Variants in SLC25A26 observed in about 807,000 individuals in gnomAD.
SLC25A26 encodes the protein solute carrier family 25 member 26.
A neutral mutation model predicts 37.8 loss-of-function variants in SLC25A26; 36 were observed. That is an observed-to-expected ratio of 0.95 (90% CI 0.73 to 1.26). The LOEUF (loss-of-function observed/expected upper bound fraction) is 1.26, where lower values mean the gene tolerates loss of function less well. Among genes scored for constraint, SLC25A26 ranks in the 50% most tolerant of loss-of-function variants. SLC25A26 has a pLI of 0.00. For missense variants in SLC25A26, 390 were observed against 331.1 expected, an observed-to-expected ratio of 1.18 and a Z score of -1.38; for synonymous variants, 129 against 122.5, an observed-to-expected ratio of 1.05 and a Z score of -0.35.
intron 1 of SLC25A26, among the ~76,000 whole-genome samples, chr3:66,197,637 GTGTC>G (rs1464514599): frequency 1.3e-5 from 2 of 152,044 alleles, no homozygotes; most frequent in East Asian, 1.9e-4. Context: ...GTGAACTTGA[GTGTC>G]TGGTTTAGAG....
intron 5 of SLC25A26, among the ~76,000 whole-genome samples, chr3:66,285,720 A>G (rs1173673202): frequency 6.6e-6 from 1 of 151,876 alleles, no homozygotes; most frequent in East Asian, 2.0e-4. Context: ...TTGGCCTCCC[A>G]AAGTGCTGGG....
chr3:66,329,524 CT>C (rs1466435210), intron 5 of SLC25A26, among the ~76,000 whole-genome samples: 1 of 151,952 alleles, frequency 6.6e-6, no homozygotes, highest in Non-Finnish European at 1.5e-5. Flanking sequence ...TTCCTTACCC[CT>C]AAGAATGAAT....
intron 5 of SLC25A26, among the ~76,000 whole-genome samples, chr3:66,308,182 A>G (rs1276968700): frequency 6.6e-6 from 1 of 152,100 alleles, no homozygotes; most frequent in African/African-American, 2.4e-5. Flanking sequence ...TTTCTTGAGC[A>G]GTAATTTGTA....
intron 5 of SLC25A26, among the ~76,000 whole-genome samples, chr3:66,329,657 C>T (rs1404266740): frequency 1.3e-5 from 2 of 152,170 alleles, no homozygotes. Flanking sequence ...AAGAAAGGCA[C>T]TAACAGACAC....
chr3:66,286,344 A>G (rs1336103314), intron 5 of SLC25A26, among the ~76,000 whole-genome samples: 1 of 152,144 alleles, frequency 6.6e-6, no homozygotes, highest in Non-Finnish European at 1.5e-5. Context: ...ATTTACATCT[A>G]TAATCCATTT....
chr3:66,279,314 G>C (rs1051781393), intron 5 of SLC25A26, among the ~76,000 whole-genome samples: 24 of 152,136 alleles, frequency 1.6e-4, no homozygotes, highest in African/African-American at 4.8e-5. Flanking sequence ...TCTTGGGTCA[G>C]ATTTGCTGTT....
chr3:66,313,810 T>C (rs553721487), intron 5 of SLC25A26, among the ~76,000 whole-genome samples: 1 of 152,328 alleles, frequency 6.6e-6, no homozygotes, highest in African/African-American at 2.4e-5. Context: ...CAGTGGTTTG[T>C]AGTTCATCTT....
At chr3:66,340,485 C>T (rs2076184703) in intron 5 of SLC25A26, among the ~76,000 whole-genome samples, 3 of 152,080 alleles carry the variant, frequency 2.0e-5, no homozygotes, top group Non-Finnish European at 1.5e-5. Flanking sequence ...GAAATTTCCT[C>T]CTATCCACGG....
chr3:66,154,451 G>C (rs1016579595), intron 1 of SLC25A26, among the ~76,000 whole-genome samples: 4 of 152,060 alleles, frequency 2.6e-5, no homozygotes, highest in African/African-American at 9.7e-5. Context: ...ATTCTGTGGA[G>C]GAGGAAAATG....
At chr3:66,164,605 T>C (rs538227838) in intron 1 of SLC25A26, among the ~76,000 whole-genome samples, 1 of 152,308 alleles carries the variant, frequency 6.6e-6, no homozygotes, top group Admixed American at 6.5e-5. Flanking sequence ...GGACTAGGGA[T>C]CAGCAAACAT....
At chr3:66,366,331 C>T (rs2076823837) in intron 7 of SLC25A26, among the ~76,000 whole-genome samples, 1 of 152,152 alleles carries the variant, frequency 6.6e-6, no homozygotes, top group African/African-American at 2.4e-5. Context: ...ACTGAAAGTC[C>T]TGGCCCCCAG....
At chr3:66,360,348 A>G (rs531481493) in intron 6 of SLC25A26, among the ~76,000 whole-genome samples, 3 of 152,200 alleles carry the variant, frequency 2.0e-5, no homozygotes, top group Non-Finnish European at 4.4e-5. Context: ...TGTGGTCACT[A>G]TTGCAATGCA....
At chr3:66,213,660 G>T (rs901955048) in intron 1 of SLC25A26, among the ~76,000 whole-genome samples, 2 of 151,984 alleles carry the variant, frequency 1.3e-5, no homozygotes, top group Non-Finnish European at 2.9e-5. Flanking sequence ...GTTTACATTA[G>T]GTTAATCACT....
chr3:66,214,648 A>G (rs2071334094), intron 1 of SLC25A26, among the ~76,000 whole-genome samples: 1 of 151,928 alleles, frequency 6.6e-6, no homozygotes, highest in African/African-American at 2.4e-5. Context: ...ATTTTTTTCT[A>G]TTGGTATTAG....
intron 5 of SLC25A26, among the ~76,000 whole-genome samples, chr3:66,284,433 A>G (rs927154052): frequency 1.3e-5 from 2 of 152,298 alleles, no homozygotes; most frequent in African/African-American, 4.8e-5. Context: ...GATACAGTAA[A>G]ACTGAAGATC....
chr3:66,221,186 G>A (rs2071473258), intron 1 of SLC25A26, 59 bp downstream of exon 1: 4 of 1,479,262 alleles, frequency 2.7e-6, no homozygotes, highest in Non-Finnish European at 2.7e-6. Context: ...ATTGGAGCCC[G>A]CGGGCGTTCT....
At chr3:66,225,469 C>T (rs1333267172) in intron 1 of SLC25A26, among the ~76,000 whole-genome samples, 2 of 152,132 alleles carry the variant, frequency 1.3e-5, no homozygotes, top group African/African-American at 2.4e-5. Flanking sequence ...AGCAAGGGGG[C>T]CCTGGACCCA....
intron 1 of SLC25A26, among the ~76,000 whole-genome samples, chr3:66,198,729 C>T (rs908952902): frequency 2.0e-5 from 3 of 151,692 alleles, no homozygotes; most frequent in Non-Finnish European, 2.9e-5. Flanking sequence ...CTTAACCTGT[C>T]CTTTACCCTC....
intron 1 of SLC25A26, among the ~76,000 whole-genome samples, chr3:66,215,069 G>A (rs2071340480): frequency 6.6e-6 from 1 of 152,132 alleles, no homozygotes; most frequent in Admixed American, 6.6e-5. Flanking sequence ...AGGTTGCAGT[G>A]AGCCTAGAGA....
Sources: allele counts gnomAD v4.1 joint callset (sites outside exome capture counted in the v4.1 genomes callset), GRCh38; gene constraint gnomAD v4.1.1; transcripts MANE v1.5; gene names NCBI Gene and HGNC (gene_info 2026-07-23, HGNC 2026-07-21).